CTBP2: variants seen among roughly 807,000 people sequenced by gnomAD.
The protein encoded by CTBP2 is C-terminal-binding protein 2.
In CTBP2, 30 loss-of-function variants were observed where a neutral mutation model predicts 80.3. That is an observed-to-expected ratio of 0.37 (90% confidence interval 0.28 to 0.51). The LOEUF is 0.51. CTBP2 is among the 20% of genes least tolerant of loss of function. The pLI, the probability that CTBP2 is intolerant of heterozygous loss-of-function variation, is 0.93. For synonymous variants in CTBP2, 594 were observed against 587.4 expected (o/e 1.01, Z -0.16); for missense variants, 1,212 against 1,375.3 (o/e 0.88, Z 1.88).
Position 124,994,700 on chromosome 10 carries a change from C to T in CTBP2, c.2186-17G>A, listed in dbSNP as rs779200225. ...CCGTGCGACCTGTACAGAAACAGAG[C>T]GTCCAGGTGAGTGAGTCCACAGCCC... On this transcript the variant is annotated splice_polypyrimidine_tract_variant and intron_variant, in intron 4 of 8. Coordinates refer to ENST00000309035, the MANE Select transcript of CTBP2 (RefSeq NM_022802.3). 1.9e-5 allele frequency: 30 copies of T among 1,613,198 alleles called. No homozygotes were observed. Among genetic ancestry groups the T allele is most frequent in the Middle Eastern group, 1.7e-4 (1 of 6,056 alleles).
In CTBP2 at chr10:125,095,873, A is replaced by G. The variant is rs149481443; in HGVS notation, c.-102+15117T>C. 1.6e-3 allele frequency among the ~76,000 whole-genome samples: 249 copies of G among 152,312 alleles called. 1 individual carries two copies. The highest frequency in any genetic ancestry group is 2.9e-3 in the Non-Finnish European group (194 of 68,020). Reference sequence around the variant, plus strand: ...CTAAAGATGACCCCACTCAGGATTCACTAAGCCTTGCTAAGGCCCAATGGT... The same window carrying G: ...CTAAAGATGACCCCACTCAGGATTCGCTAAGCCTTGCTAAGGCCCAATGGT... On this transcript the variant is annotated intron_variant, in intron 2 of 10. Coordinates refer to the CTBP2 transcript ENST00000337195.
intron 2 of CTBP2, among the ~76,000 whole-genome samples, chr10:125,095,852 AGAT>A (rs1849466659): frequency 2.0e-5 from 3 of 152,322 alleles, no homozygotes; most frequent in Admixed American, 2.0e-4. Context: ...TTTAGGCTAA[AGAT>A]GACCCCACTC....
At chr10:125,024,373 G>C (rs920101728) in intron 1 of CTBP2, among the ~76,000 whole-genome samples, 2 of 152,154 alleles carry the variant, frequency 1.3e-5, no homozygotes, top group Non-Finnish European at 2.9e-5. Context: ...GCACTGGCTC[G>C]CTGCCACGCA....
intron 1 of CTBP2, among the ~76,000 whole-genome samples, chr10:125,025,871 GC>G (rs1957480847): frequency 6.6e-6 from 1 of 152,220 alleles, no homozygotes; most frequent in Non-Finnish European, 1.5e-5. Context: ...GGGCACTGCT[GC>G]CCCAGCAGAT....
intron 1 of CTBP2, among the ~76,000 whole-genome samples, chr10:125,148,334 T>C (rs949346354): frequency 6.6e-6 from 1 of 152,098 alleles, no homozygotes; most frequent in African/African-American, 2.4e-5. Flanking sequence ...AACCACCAGG[T>C]TGCAAAACTC....
chr10:125,003,582 A>G (rs1954832992), intron 1 of CTBP2, 90 bp from the exon 4 acceptor site: 1 of 1,106,618 alleles, frequency 9.0e-7, no homozygotes. Context: ...CACTCAGGGC[A>G]GGGCTTGGGC....
Position 125,116,137 on chromosome 10 carries a change from C to T in CTBP2, c.-205-5044G>A, listed in dbSNP as rs112943520. On this transcript the variant is annotated intron_variant, in intron 1 of 10. Coordinates refer to the CTBP2 transcript ENST00000337195. ...GCCCCAGGGACTCAGGAGGGGCCAC[C>T]GACTCCAGGCCCGAACCCAGCACTC... is the stretch of plus-strand genomic sequence containing the variant. 3.0e-3 allele frequency among the ~76,000 whole-genome samples: 462 copies of T among 152,226 alleles called. 2 individuals are homozygous for T. The highest frequency in any genetic ancestry group is 0.01 in the African/African-American group (435 of 41,532).
At chr10:125,132,463 G>A (rs186393027) in intron 1 of CTBP2, among the ~76,000 whole-genome samples, 1 of 152,306 alleles carries the variant, frequency 6.6e-6, no homozygotes, top group South Asian at 2.1e-4. Flanking sequence ...GAAGGCCTGG[G>A]GTTCCCACAG....
intron 1 of CTBP2, among the ~76,000 whole-genome samples, chr10:125,004,195 A>G (rs907445316): frequency 6.6e-6 from 1 of 152,202 alleles, no homozygotes; most frequent in Non-Finnish European, 1.5e-5. Context: ...CCTTCCCACA[A>G]GTCCAAGTAC....
chr10:125,027,908 C>T lies in CTBP2; in HGVS notation c.-149G>A. On this transcript the variant is annotated 5_prime_UTR_variant, in exon 1 of 9. Coordinates refer to ENST00000309035, the MANE Select transcript of CTBP2 (RefSeq NM_022802.3). Reference sequence around the variant, plus strand: ...GGGGGTTTTCTGTTTCAAAGCATGGCCTGAATTATTAATCCTCCGAAACCT... The same window carrying T: ...GGGGGTTTTCTGTTTCAAAGCATGGTCTGAATTATTAATCCTCCGAAACCT... 7.0e-7 allele frequency: 1 copy of T among 1,425,520 alleles called. No individual in the cohort carries two copies. The highest frequency in any genetic ancestry group is 2.5e-5 in the East Asian group (1 of 39,776). 88.3% of individuals were successfully genotyped at this position (1,425,520 alleles called of 1,614,324 possible).
At chr10:125,076,932 C>T (rs953469394) in intron 2 of CTBP2, among the ~76,000 whole-genome samples, 3 of 152,212 alleles carry the variant, frequency 2.0e-5, no homozygotes, top group Admixed American at 2.0e-4. Context: ...TGTCTCGCTA[C>T]TTCCTGCTGG....
At chr10:125,143,888 A>G (rs1858279668) in intron 1 of CTBP2, among the ~76,000 whole-genome samples, 1 of 152,224 alleles carries the variant, frequency 6.6e-6, no homozygotes, top group Non-Finnish European at 1.5e-5. Flanking sequence ...ATATTCAAGC[A>G]GACAAGCTCC....
intron 1 of CTBP2, among the ~76,000 whole-genome samples, chr10:125,155,834 C>G (rs570720820): frequency 6.6e-6 from 1 of 152,038 alleles, no homozygotes; most frequent in African/African-American, 2.4e-5. Flanking sequence ...CTTGCAGCAG[C>G]GTAAATTAAG....
chr10:125,010,962 T>G (rs1955823694), intron 1 of CTBP2, among the ~76,000 whole-genome samples: 1 of 152,252 alleles, frequency 6.6e-6, no homozygotes, highest in East Asian at 1.9e-4. Flanking sequence ...GCCAGGATCT[T>G]AATCTTCCAA....
At chr10:125,028,524 T>G (rs898535855), upstream of CTBP2, among the ~76,000 whole-genome samples, 6 of 152,228 alleles carry the variant, frequency 3.9e-5, no homozygotes, top group African/African-American at 1.4e-4. Context: ...AATACTGAGA[T>G]CTGGCTTTGA....
At chr10:125,148,624 C>T (rs917137314) in intron 1 of CTBP2, among the ~76,000 whole-genome samples, 1 of 152,180 alleles carries the variant, frequency 6.6e-6, no homozygotes, top group Non-Finnish European at 1.5e-5. Context: ...TCATAACCCC[C>T]CTCCCTTCAT....
At chr10:125,010,220 A>T (rs74161002) in intron 1 of CTBP2, among the ~76,000 whole-genome samples, 477 of 39,206 alleles carry the variant, frequency 0.012, 2 homozygotes, top group African/African-American at 0.061. Context: ...TTTTAAGGTT[A>T]AAAAAAAAAA....
At chr10:125,123,867 C>T (rs1297908642) in intron 1 of CTBP2, among the ~76,000 whole-genome samples, 1 of 152,212 alleles carries the variant, frequency 6.6e-6, no homozygotes, top group Non-Finnish European at 1.5e-5. Flanking sequence ...AGGGCCACAC[C>T]CAACAGAGGG....
chr10:125,025,351 G>A (rs148225060), intron 1 of CTBP2, among the ~76,000 whole-genome samples: 2 of 152,110 alleles, frequency 1.3e-5, no homozygotes, highest in Non-Finnish European at 2.9e-5. Flanking sequence ...GGAAACACAC[G>A]CCATAAATCA....
Sources: gnomAD v4.1 joint callset for allele counts (sites outside exome capture counted in the v4.1 genomes callset) on GRCh38, gnomAD v4.1.1 for gene constraint, MANE v1.5 for transcripts, NCBI Gene and HGNC (gene_info 2026-07-23, HGNC 2026-07-21) for gene names.